The following INPP4B variants were observed in gnomAD, a reference collection of about 807,000 sequenced individuals.
INPP4B encodes the protein inositol polyphosphate 4-phosphatase type II.
A neutral mutation model predicts 122.5 loss-of-function variants in INPP4B; 55 were observed. That is an observed-to-expected ratio of 0.45 (90% CI 0.36 to 0.56). The LOEUF (loss-of-function observed/expected upper bound fraction) is 0.56. INPP4B is among the 20% of genes least tolerant of loss of function. The probability of loss-of-function intolerance (pLI) is 0.00; values close to 1 mark genes in which losing one functional copy is unlikely to be tolerated. For synonymous variants in INPP4B, 403 were observed against 388.7 expected (o/e 1.04, Z -0.43); for missense variants, 1,000 against 1,097.7 (o/e 0.91, Z 1.26).
intron 1 of INPP4B, among the ~76,000 whole-genome samples, chr4:142,778,916 C>G (rs1191857862): frequency 3.3e-5 from 5 of 152,026 alleles, no homozygotes; most frequent in Admixed American, 6.6e-5. Context: ...GAGATTGGTT[C>G]ATACATACAA....
At chr4:142,677,638 T>C (rs1758005446) in intron 2 of INPP4B, among the ~76,000 whole-genome samples, 1 of 152,116 alleles carries the variant, frequency 6.6e-6, no homozygotes, top group Admixed American at 6.6e-5. Context: ...GTGGCACATA[T>C]ACACCATGGA....
At chr4:142,091,589 G>T (rs1187938298) in intron 23 of INPP4B, among the ~76,000 whole-genome samples, 1 of 152,176 alleles carries the variant, frequency 6.6e-6, no homozygotes, top group Non-Finnish European at 1.5e-5. Flanking sequence ...CACACGTGCA[G>T]TCACACACCC....
At chr4:142,652,612 A>G (rs1353533094) in intron 2 of INPP4B, among the ~76,000 whole-genome samples, 1 of 152,222 alleles carries the variant, frequency 6.6e-6, no homozygotes, top group African/African-American at 2.4e-5. Context: ...CCCATTCACA[A>G]TTGCTACAAA....
intron 23 of INPP4B, among the ~76,000 whole-genome samples, chr4:142,086,561 C>T (rs1305654475): frequency 6.6e-6 from 1 of 152,098 alleles, no homozygotes; most frequent in Non-Finnish European, 1.5e-5. Flanking sequence ...GCCATTGTCA[C>T]CCAGGCTGGT....
intron 25 of INPP4B, among the ~76,000 whole-genome samples, chr4:142,069,803 A>G (rs557878076): frequency 5.9e-5 from 9 of 152,318 alleles, no homozygotes; most frequent in African/African-American, 2.2e-4. Context: ...GAATCCCTGA[A>G]TAGACCAATA....
chr4:142,131,335 C>A (rs183344722), intron 18 of INPP4B, among the ~76,000 whole-genome samples: 1 of 152,110 alleles, frequency 6.6e-6, no homozygotes, highest in East Asian at 1.9e-4. Flanking sequence ...TTGACTGAAT[C>A]CTTATCAGAG....
At position 142,502,525 on chromosome 4, in the gene INPP4B, G is replaced by C. The variant is rs189735134; in HGVS notation, c.-190-39799C>G. Among the ~76,000 whole-genome samples the C allele has an allele frequency of 4.6e-5, 7 of 152,170 alleles. No individual in the cohort carries two copies. In the East Asian group the frequency reaches 1.4e-3, roughly 29 times the overall value. On this transcript the variant is annotated intron_variant, in intron 2 of 25. Transcript: ENST00000262992. ...TTTATTAAGATAGAGTTTCGCTCTT[G>C]TCACCCAGGCTGGAATGCAATGACG...
At chr4:142,772,971 G>A (rs186802805) in intron 1 of INPP4B, among the ~76,000 whole-genome samples, 7 of 152,132 alleles carry the variant, frequency 4.6e-5, no homozygotes, top group Non-Finnish European at 1.0e-4. Flanking sequence ...GCTTGAACCC[G>A]GGAGTCAGAG....
At position 142,689,878 on chromosome 4, in the gene INPP4B, CACTAAGT is replaced by C. The variant is rs1759914742; in HGVS notation, c.-191+35954_-191+35960del. Reference sequence around the variant, plus strand: ...CCCTTTTCCTATAAAACTAAGTTCTCACTAAGTACTAAGTTCTGGTTTCATGCAATTT... The same window carrying C: ...CCCTTTTCCTATAAAACTAAGTTCTCACTAAGTTCTGGTTTCATGCAATTT... On this transcript the variant is annotated intron_variant, in intron 2 of 25. Transcript: ENST00000262992. Among the ~76,000 whole-genome samples the C allele has an allele frequency of 2.0e-5, 3 of 152,280 alleles. No homozygotes were observed. In the South Asian group the frequency reaches 6.2e-4, roughly 32 times the overall value.
chr4:142,252,071 C>T (rs1295852107), intron 11 of INPP4B, among the ~76,000 whole-genome samples: 1 of 152,148 alleles, frequency 6.6e-6, no homozygotes, highest in Non-Finnish European at 1.5e-5. Flanking sequence ...ATCTTGAAGA[C>T]TTCCTCATTT....
chr4:142,435,972 C>T (rs1416901380), intron 3 of INPP4B, among the ~76,000 whole-genome samples: 4 of 152,158 alleles, frequency 2.6e-5, no homozygotes, highest in Non-Finnish European at 5.9e-5. Context: ...GGGGCAGGAG[C>T]CAACATTGCA....
At chr4:142,385,411 G>A (rs1250259977) in intron 7 of INPP4B, among the ~76,000 whole-genome samples, 1 of 151,514 alleles carries the variant, frequency 6.6e-6, no homozygotes, top group Admixed American at 6.6e-5. Context: ...AGTGGAGGTA[G>A]AGCTCAGTAT....
intron 1 of INPP4B, among the ~76,000 whole-genome samples, chr4:142,832,383 T>C (rs552081635): frequency 4.6e-5 from 7 of 152,310 alleles, no homozygotes; most frequent in Admixed American, 2.6e-4. Context: ...ATTGTCATCA[T>C]AGGATCTTCA....
At chr4:142,342,842 GATC>G (rs923346142) in intron 7 of INPP4B, among the ~76,000 whole-genome samples, 1 of 151,982 alleles carries the variant, frequency 6.6e-6, no homozygotes, top group African/African-American at 2.4e-5. Flanking sequence ...TTTGATTTCA[GATC>G]ATTTTAATTA....
At chr4:142,836,633 A>G (rs1782811595) in intron 1 of INPP4B, among the ~76,000 whole-genome samples, 1 of 151,984 alleles carries the variant, frequency 6.6e-6, no homozygotes, top group Non-Finnish European at 1.5e-5. Context: ...GAAAAAAATT[A>G]TTAAAGAATT....
At chr4:142,840,530 T>C (rs1378697827) in intron 1 of INPP4B, among the ~76,000 whole-genome samples, 1 of 152,120 alleles carries the variant, frequency 6.6e-6, no homozygotes, top group African/African-American at 2.4e-5. Context: ...GTGTGTTAAA[T>C]ATTACAATCA....
intron 17 of INPP4B, among the ~76,000 whole-genome samples, chr4:142,157,379 A>C (rs1817784351): frequency 6.6e-6 from 1 of 152,162 alleles, no homozygotes; most frequent in African/African-American, 2.4e-5. Flanking sequence ...GTTATATACC[A>C]AACAAACTCG....
intron 5 of INPP4B, chr4:142,426,918 C>A (rs1457172323): frequency 6.6e-6 from 1 of 151,854 alleles, no homozygotes; most frequent in African/African-American, 2.4e-5. Context: ...AGCCCTCTTC[C>A]TTACTGAATT....
At chr4:142,059,461 G>C (rs1191691459) in intron 25 of INPP4B, among the ~76,000 whole-genome samples, 1 of 152,080 alleles carries the variant, frequency 6.6e-6, no homozygotes, top group Admixed American at 6.6e-5. Context: ...ATCTGTATGT[G>C]ATTCTCTCTC....
Sources: gnomAD v4.1 joint callset for allele counts (sites outside exome capture counted in the v4.1 genomes callset) on GRCh38, gnomAD v4.1.1 for gene constraint, MANE v1.5 for transcripts, NCBI Gene and HGNC (gene_info 2026-07-23, HGNC 2026-07-21) for gene names.